The following IL6R variants were observed in gnomAD, a reference collection of about 807,000 sequenced individuals.
The protein encoded by IL6R is interleukin-6 receptor subunit alpha.
In IL6R, 38 loss-of-function variants were observed where a neutral mutation model predicts 48.3. The observed-to-expected ratio is 0.79, with a 90% CI of 0.61 to 1.03. IL6R has a LOEUF of 1.03. Ranked by LOEUF, IL6R falls within the 50% of genes least tolerant of loss-of-function variation. The probability of loss-of-function intolerance (pLI) is 0.00; values close to 1 mark genes in which losing one functional copy is unlikely to be tolerated. For synonymous variants in IL6R, 264 were observed against 256.2 expected (o/e 1.03, Z -0.29); for missense variants, 534 against 618.3 (o/e 0.86, Z 1.45).
rs200729727 is a variant in IL6R at position 154,468,260 on chromosome 1, CTG to C, written c.*2884_*2885del. ...GTCTCAATGCACGGGGCATTTCTAC[CTG>C]TGTTTCTGCAGCACCCCCACTGCCT... On this transcript the variant is annotated 3_prime_UTR_variant, in exon 10 of 10. Transcript: ENST00000368485. 2 of 152,186 alleles carry C rather than the reference CTG, an allele frequency of 1.3e-5. No homozygotes were observed. Among genetic ancestry groups the C allele is most frequent in the Admixed American group, 1.3e-4 (2 of 15,274 alleles). 9.4% of individuals were successfully genotyped at this position (152,186 alleles called of 1,614,324 possible).
intron 1 of IL6R, among the ~76,000 whole-genome samples, chr1:154,410,796 C>T (rs1687977667): frequency 6.6e-6 from 1 of 152,288 alleles, no homozygotes; most frequent in Non-Finnish European, 1.5e-5. Flanking sequence ...AGCACCTGTT[C>T]TCTGAATCAG....
intron 9 of IL6R, among the ~76,000 whole-genome samples, chr1:154,460,053 T>C (rs1691158730): frequency 6.6e-6 from 1 of 152,092 alleles, no homozygotes; most frequent in Non-Finnish European, 1.5e-5. Context: ...GTAAAAGGGG[T>C]GGCAACTTGG....
At chr1:154,453,861 G>A (rs1690726674) in intron 8 of IL6R, among the ~76,000 whole-genome samples, 1 of 152,174 alleles carries the variant, frequency 6.6e-6, no homozygotes, top group Non-Finnish European at 1.5e-5. Context: ...GTGCAGCAAA[G>A]GTAGAGAAAA....
chr1:154,461,063 G>A (rs369972980), intron 9 of IL6R, among the ~76,000 whole-genome samples: 293 of 152,286 alleles, frequency 1.9e-3, no homozygotes, highest in African/African-American at 6.9e-3. Flanking sequence ...TTACAGGATC[G>A]GGGGCCCTTC....
chr1:154,411,727 A>T (rs1688031383), intron 1 of IL6R, among the ~76,000 whole-genome samples: 1 of 151,966 alleles, frequency 6.6e-6, no homozygotes, highest in Non-Finnish European at 1.5e-5. Context: ...TTGAGGCCGG[A>T]TGTGGTGTAT....
chr1:154,406,877 T>C (rs1687753407), intron 1 of IL6R, among the ~76,000 whole-genome samples: 1 of 152,198 alleles, frequency 6.6e-6, no homozygotes, highest in Admixed American at 6.5e-5. Flanking sequence ...ACACTGTTGA[T>C]TGGGGCACCC....
chr1:154,468,118 CA>C lies in IL6R; in HGVS notation c.*2739del, dbSNP rs1691639220. The C allele has an allele frequency of 6.6e-6, 1 of 151,994 alleles. No homozygotes were observed. The highest frequency in any genetic ancestry group is 2.1e-4 in the South Asian group (1 of 4,824). The allele number at this position is 151,994 out of a possible 1,614,324, so 9.4% of individuals were successfully genotyped here. A position where few individuals can be genotyped will look rare whatever the true frequency, so the allele number is the denominator to read the frequency against. The stretch of plus-strand genomic sequence containing the variant: ...AGAGGGTTGTTTTCCCTTTATTTTT[CA>C]TAAGCTAATGTAAATGAAGAAAAAA... On this transcript the variant is annotated 3_prime_UTR_variant, in exon 10 of 10. Transcript: ENST00000368485.
At chr1:154,465,006 G>T (rs924880470) in intron 9 of IL6R, 128 bp from the exon 10 acceptor site, 1 of 959,712 alleles carries the variant, frequency 1.0e-6, no homozygotes, top group Non-Finnish European at 1.6e-6. Context: ...GATAGTTATT[G>T]CTCCTTTGAG....
At chr1:154,428,187 C>G (rs1299992537) in intron 1 of IL6R, among the ~76,000 whole-genome samples, 1 of 152,136 alleles carries the variant, frequency 6.6e-6, no homozygotes, top group African/African-American at 2.4e-5. Flanking sequence ...AAAAAGTGTA[C>G]TTGTTCCTTT....
At chr1:154,444,208 CTTT>C (rs562457712) in intron 6 of IL6R, among the ~76,000 whole-genome samples, 1 of 138,180 alleles carries the variant, frequency 7.2e-6, no homozygotes, top group African/African-American at 2.7e-5. Context: ...AAGTTGCTAG[CTTT>C]TTTTTTTTTT....
rs950407553 is a variant in IL6R, at chr1:154,465,434, G to A, written c.*54G>A. 5.6e-6 allele frequency: 9 copies of A among 1,601,656 alleles called. No individual in the cohort carries two copies. The African/African-American group carries it at 9.4e-5, about 17-fold the overall frequency. On this transcript the variant is annotated 3_prime_UTR_variant, in exon 10 of 10. Transcript: ENST00000368485. ...CCTGTGGATGATAAAACACAAACGG[G>A]CTCAGCAAAAGATGCTTCTCACTGC... is the stretch of plus-strand genomic sequence containing the variant.
chr1:154,433,711 C>T (rs1401954038), intron 3 of IL6R, among the ~76,000 whole-genome samples: 2 of 147,116 alleles, frequency 1.4e-5, no homozygotes, highest in Non-Finnish European at 3.0e-5. Flanking sequence ...TTCCTCATCT[C>T]TAGATTTTAC....
At chr1:154,464,834 C>G (rs1691464174) in intron 9 of IL6R, among the ~76,000 whole-genome samples, 1 of 152,074 alleles carries the variant, frequency 6.6e-6, no homozygotes, top group African/African-American at 2.4e-5. Context: ...TGGCACACAC[C>G]TGTAGCCCCA....
chr1:154,434,337 C>T (rs1422328518), intron 3 of IL6R, among the ~76,000 whole-genome samples, 182 bp from the exon 4 acceptor site: 1 of 152,022 alleles, frequency 6.6e-6, no homozygotes, highest in Non-Finnish European at 1.5e-5. Flanking sequence ...AAAAACTTAA[C>T]CCCTACTAGG....
intron 6 of IL6R, among the ~76,000 whole-genome samples, chr1:154,447,686 T>TTTTTGTTTTG (rs527467504): frequency 0.016 from 2,373 of 148,414 alleles, 33 homozygotes; most frequent in African/African-American, 0.033. Context: ...AGCATGCTGT[T>TTTTTGTTTTG]TTTTGTTTTG....
intron 9 of IL6R, among the ~76,000 whole-genome samples, chr1:154,458,654 A>G (rs1232589657): frequency 1.3e-5 from 2 of 152,180 alleles, no homozygotes; most frequent in Non-Finnish European, 2.9e-5. Context: ...TGATCCCAGC[A>G]CTTTGGGAGG....
chr1:154,466,994 T>C lies in IL6R; in HGVS notation c.*1614T>C. On this transcript the variant is annotated 3_prime_UTR_variant, in exon 10 of 10. Transcript: ENST00000368485. ...TAGGGAAAAACCAGCGTGTGACTAC[T>C]CCCCCAGGTGGTTATGGAGAGGGTG... The C allele has an allele frequency of 6.5e-6, 1 of 152,688 alleles. No individual in the cohort carries two copies. The allele number at this position is 152,688 out of a possible 1,614,324, so 9.5% of individuals were successfully genotyped here. A position where few individuals can be genotyped will look rare whatever the true frequency, so the allele number is the denominator to read the frequency against.
At position 154,405,818 on chromosome 1, in the gene IL6R, C is replaced by A; in HGVS notation, c.85+104C>A. 4 of 846,238 alleles carry A rather than the reference C, an allele frequency of 4.7e-6. No homozygotes were observed. Among genetic ancestry groups the A allele is most frequent in the Non-Finnish European group, 5.1e-6 (3 of 587,214 alleles). 52.4% of individuals were successfully genotyped at this position (846,238 alleles called of 1,614,324 possible). The stretch of plus-strand genomic sequence containing the variant: ...GAGGCTGGAGGGAGGAAAGGAGGTG[C>A]GACGGATCCCCTTTTCTGTGGCTGC... On this transcript the variant is annotated intron_variant, in intron 1 of 9. Transcript: ENST00000368485. The surrounding 1 kb of genome is among the most constrained non-coding windows in gnomAD (Gnocchi z 5.2).
intron 9 of IL6R, among the ~76,000 whole-genome samples, chr1:154,456,028 GCCT>G (rs2149270603): frequency 6.6e-6 from 1 of 151,812 alleles, no homozygotes; most frequent in African/African-American, 2.4e-5. Flanking sequence ...CTGCAATCCA[GCCT>G]GGGTGACAGA....
Sources: gnomAD v4.1 joint callset for allele counts (sites outside exome capture counted in the v4.1 genomes callset) on GRCh38, gnomAD v4.1.1 for gene constraint, Gnocchi (gnomAD v3.1) non-coding constraint, MANE v1.5 for transcripts, NCBI Gene and HGNC (gene_info 2026-07-23, HGNC 2026-07-21) for gene names.